JPH1: variants seen among roughly 807,000 people sequenced by gnomAD.
JPH1 encodes junctophilin 1, also known as junctophilin-1.
In JPH1, 12 loss-of-function variants were observed where a neutral mutation model predicts 53.6. That is an observed-to-expected ratio of 0.22 (90% CI 0.14 to 0.36). JPH1 has a LOEUF of 0.36. Ranked by LOEUF, JPH1 falls within the 10% of genes least tolerant of loss-of-function variation. The pLI, the probability that JPH1 is intolerant of heterozygous loss-of-function variation, is 1.00. For missense variants in JPH1, 808 were observed against 905.5 expected, an observed-to-expected ratio of 0.89 and a Z score of 1.38; for synonymous variants, 375 against 363.8, an observed-to-expected ratio of 1.03 and a Z score of -0.35.
intron 3 of JPH1, among the ~76,000 whole-genome samples, chr8:74,259,162 T>C (rs367966385): frequency 2.6e-5 from 4 of 152,354 alleles, no homozygotes; most frequent in East Asian, 1.9e-4. Context: ...TCTCACTGTG[T>C]ACATGCAAAT....
At chr8:74,290,133 T>C (rs567389239) in intron 2 of JPH1, among the ~76,000 whole-genome samples, 1 of 152,268 alleles carries the variant, frequency 6.6e-6, no homozygotes, top group South Asian at 2.1e-4. Context: ...AACAGAGTGT[T>C]GGAAGTTCTG....
chr8:74,317,656 T>A (rs1428032802), intron 1 of JPH1, among the ~76,000 whole-genome samples: 1 of 152,218 alleles, frequency 6.6e-6, no homozygotes, highest in Non-Finnish European at 1.5e-5. Context: ...AATGCTATAA[T>A]CACATCCTCC....
intron 2 of JPH1, among the ~76,000 whole-genome samples, chr8:74,306,837 T>G (rs963081435): frequency 1.3e-5 from 2 of 152,022 alleles, no homozygotes; most frequent in Non-Finnish European, 2.9e-5. Context: ...CCTCAAGGGA[T>G]CCGCCCGCCT....
rs764467379 is a variant in JPH1, at chr8:74,321,082, C to T, written c.206G>A (p.Arg69Gln). The T allele has an allele frequency of 6.2e-7, 1 of 1,613,470 alleles. No homozygotes were observed. The highest frequency in any genetic ancestry group is 1.7e-5 in the Admixed American group (1 of 59,962). Reference sequence around the variant, plus strand: ...CTTCGTCTCCACCCCCAGCCCGTGCCGCTTGCCCTGCGCCCAGTAGCCCTG... The same window carrying T: ...CTTCGTCTCCACCCCCAGCCCGTGCTGCTTGCCCTGCGCCCAGTAGCCCTG... Reference protein sequence around the residue: ...TYQGYWAQGKRHGLGVETKGK... With the variant: ...TYQGYWAQGKQHGLGVETKGK... The change falls in exon 1 of 6, where the codon CGG (arginine) becomes CAG (glutamine). Residue 69 changes from arginine (R) to glutamine (Q), a missense_variant. By Grantham distance (43) the Arg-to-Gln change is conservative. Transcript: ENST00000342232. This position sits in a 1 kb window ranked among gnomAD's most constrained non-coding sequence, Gnocchi z 4.3.
chr8:74,259,871 T>C (rs1022027470), intron 2 of JPH1, among the ~76,000 whole-genome samples: 2 of 152,198 alleles, frequency 1.3e-5, no homozygotes, highest in Non-Finnish European at 2.9e-5. Flanking sequence ...AAATTAATAG[T>C]GTTTATCAAA....
intron 2 of JPH1, among the ~76,000 whole-genome samples, chr8:74,286,741 A>G (rs1038904240): frequency 6.6e-6 from 1 of 152,262 alleles, no homozygotes; most frequent in African/African-American, 2.4e-5. Flanking sequence ...TCATGAAAGC[A>G]GAAATAAAAT....
chr8:74,286,032 A>G (rs1262618555), intron 2 of JPH1, among the ~76,000 whole-genome samples: 1 of 152,202 alleles, frequency 6.6e-6, no homozygotes, highest in Non-Finnish European at 1.5e-5. Flanking sequence ...TGTTTTAAAA[A>G]TCATCACTTG....
chr8:74,315,016 CTCT>C lies in JPH1; in HGVS notation c.981_983del (p.Glu328del), dbSNP rs768286424. On this transcript the variant is annotated inframe_deletion, in exon 2 of 6. Coordinates refer to ENST00000342232, the MANE Select transcript of JPH1 (RefSeq NM_020647.4). The surrounding 1 kb of genome is among the most constrained non-coding windows in gnomAD (Gnocchi z 6.3). ...CCAGAATATTATTTTTGTATTTTCC[CTCT>C]TCTTTGGAGCCGTCAGGAAACACGG... The C allele has an allele frequency of 3.7e-6, 6 of 1,614,182 alleles. No homozygotes were observed. Among genetic ancestry groups the C allele is most frequent in the Non-Finnish European group, 5.1e-6 (6 of 1,180,030 alleles).
At chr8:74,259,353 C>T (rs1414721484) in intron 3 of JPH1, 32 bp downstream of exon 3, 2 of 1,515,666 alleles carry the variant, frequency 1.3e-6, no homozygotes, top group Non-Finnish European at 1.8e-6. Flanking sequence ...GCCAGTGCTC[C>T]TGCCTCACCC....
Position 74,237,270 on chromosome 8 carries a change from G to C in JPH1, c.1939C>G (p.Leu647Val). 1.2e-6 allele frequency: 2 copies of C among 1,613,404 alleles called. No individual in the cohort carries two copies. Among genetic ancestry groups the C allele is most frequent in the Non-Finnish European group, 8.5e-7 (1 of 1,179,642 alleles). Reference protein sequence around the residue: ...PNSIMIVLVMLLNIGLAILFV... With the variant: ...PNSIMIVLVMVLNIGLAILFV... ...AGAATGGCCAACCCGATATTCAACA[G>C]CATGACAAGGACAATCATGATTGAA... Residue 647 changes from leucine to valine, a missense_variant, in exon 5 of 6, where the codon CTG becomes GTG. Physicochemically the swap from Leu to Val is conservative, Grantham distance 32 (BLOSUM62 1). This residue lies in a region of JPH1 where 756 missense variants were observed against 811.9 expected (regional missense o/e 0.93). Coordinates refer to ENST00000342232, the MANE Select transcript of JPH1 (RefSeq NM_020647.4).
At chr8:74,243,677 C>T (rs1442457406) in intron 4 of JPH1, among the ~76,000 whole-genome samples, 1 of 152,132 alleles carries the variant, frequency 6.6e-6, no homozygotes, top group East Asian at 1.9e-4. Context: ...GGGATGTGAT[C>T]AGGTCAAGAG....
At chr8:74,244,448 A>T in intron 4 of JPH1, 81 bp downstream of exon 4, 1 of 1,430,974 alleles carries the variant, frequency 7.0e-7, no homozygotes, top group Non-Finnish European at 9.4e-7. Context: ...GGCTGTGATC[A>T]AGATGCACAG....
chr8:74,315,329 C>T lies in JPH1; in HGVS notation c.671G>A (p.Arg224His). ...GATGGAAGACTTGGATTCGGACTTG[C>T]GAAGTTTCATGCTTCCAAGAAGGGA... Reference protein sequence around the residue: ...RGSLLGSMKLRKSESKSSISS... With the variant: ...RGSLLGSMKLHKSESKSSISS... The change falls in exon 2 of 6, where the codon CGC becomes CAC. Residue 224 changes from arginine to histidine, a missense_variant. Arg to His is a conservative substitution (Grantham distance 29). Coordinates refer to ENST00000342232, the MANE Select transcript of JPH1 (RefSeq NM_020647.4). This position sits in a 1 kb window ranked among gnomAD's most constrained non-coding sequence, Gnocchi z 6.3. 27 of 1,613,720 alleles carry T rather than the reference C, an allele frequency of 1.7e-5. No homozygotes were observed. The highest frequency in any genetic ancestry group is 2.3e-5 in the Non-Finnish European group (27 of 1,180,016).
intron 4 of JPH1, among the ~76,000 whole-genome samples, chr8:74,242,655 T>C (rs916661529): frequency 1.3e-5 from 2 of 152,240 alleles, no homozygotes; most frequent in African/African-American, 4.8e-5. Context: ...GTTCTGTTAC[T>C]ATTGGGAAGA....
intron 3 of JPH1, among the ~76,000 whole-genome samples, chr8:74,248,142 A>T (rs1304568336): frequency 6.6e-6 from 1 of 152,196 alleles, no homozygotes; most frequent in Non-Finnish European, 1.5e-5. Flanking sequence ...GCAGTAAGAA[A>T]GGCATGTCTT....
rs75299101 is a variant in JPH1, at chr8:74,244,858, C to T, written c.1576G>A (p.Val526Ile). Reference sequence around the variant, plus strand: ...CCAGAGTACTTGGACTGGGGCACAACCGCTCCTGCCTCCTTCGTGGGAGCC... The same window carrying T: ...CCAGAGTACTTGGACTGGGGCACAATCGCTCCTGCCTCCTTCGTGGGAGCC... ...SKAPTKEAGAVVPQSKYSGRH... is the reference protein window; with the variant it reads ...SKAPTKEAGAIVPQSKYSGRH... Residue 526 changes from valine to isoleucine, a missense_variant, in exon 4 of 6, where the codon GTT (valine) becomes ATT (isoleucine). Physicochemically the swap from Val to Ile is conservative, Grantham distance 29. Transcript: ENST00000342232. The T allele has an allele frequency of 5.3e-3, 8,605 of 1,614,154 alleles. 435 individuals carry two copies. The African/African-American group carries it at 0.1, about 19-fold the overall frequency.
At position 74,244,956 on chromosome 8, in the gene JPH1, C is replaced by G; in HGVS notation, c.1478G>C (p.Arg493Thr). The G allele has an allele frequency of 6.2e-7, 1 of 1,614,092 alleles. No homozygotes were observed. The highest frequency in any genetic ancestry group is 8.5e-7 in the Non-Finnish European group (1 of 1,180,008). ...LKKQNPSSGA[R>T]LNQDKRSVAD... ...CACACTCCTTTTGTCTTGGTTGAGT[C>G]TCGCCCCTGAGCTGGGGTTTTGCTT... Residue 493 changes from arginine (R) to threonine (T), a missense_variant, in exon 4 of 6, where the codon AGA becomes ACA. By Grantham distance (71) the Arg-to-Thr change is moderately conservative. Around this residue, in one of 2 missense-constraint regions of JPH1, gnomAD observed 756 missense variants for 811.9 expected, o/e 0.93. Transcript: ENST00000342232.
At chr8:74,299,985 C>T (rs1807629441) in intron 2 of JPH1, among the ~76,000 whole-genome samples, 1 of 152,206 alleles carries the variant, frequency 6.6e-6, no homozygotes. Context: ...ATGTTCTTCT[C>T]GCCCTCGTTT....
At position 74,244,736 on chromosome 8, in the gene JPH1, G is replaced by T. The variant is rs749023547; in HGVS notation, c.1698C>A (p.Asp566Glu). The change falls in exon 4 of 6, where the codon GAC becomes GAA. Residue 566 changes from aspartate to glutamate, a missense_variant. Transcript: ENST00000342232. ...KLNAPQHPPVDVEDGDGSSQS... is the reference protein window; with the variant it reads ...KLNAPQHPPVEVEDGDGSSQS... ...GGCTGGATCCATCGCCGTCCTCCAC[G>T]TCTACTGGAGGGTGCTGGGGGGCGT... is the stretch of plus-strand genomic sequence containing the variant. 1.2e-6 allele frequency: 2 copies of T among 1,614,152 alleles called. No homozygotes were observed. The highest frequency in any genetic ancestry group is 2.2e-5 in the South Asian group (2 of 91,084).
Sources: allele counts gnomAD v4.1 joint callset (sites outside exome capture counted in the v4.1 genomes callset), GRCh38; gene constraint gnomAD v4.1.1; regional missense constraint gnomAD v4.1.1; non-coding constraint Gnocchi (gnomAD v3.1); transcripts MANE v1.5; gene names NCBI Gene and HGNC (gene_info 2026-07-23, HGNC 2026-07-21).